MESD: variants seen among roughly 807,000 people sequenced by gnomAD.
MESD encodes the protein mesoderm development LRP chaperone, also known as LRP chaperone MESD.
A neutral mutation model predicts 12.9 loss-of-function variants in MESD; 7 were observed. The observed-to-expected ratio is 0.54, with a 90% CI of 0.31 to 1.02. MESD has a LOEUF of 1.02. MESD is among the 50% of genes least tolerant of loss of function. The pLI is 0.05. For synonymous variants in MESD, 126 were observed against 115.6 expected, an observed-to-expected ratio of 1.09 and a Z score of -0.58; for missense variants, 342 against 296.7, an observed-to-expected ratio of 1.15 and a Z score of -1.12.
In MESD at chr15:80,949,090, G is replaced by A. The variant is rs566928195; in HGVS notation, c.*627-192C>T. The A allele has an allele frequency of 5.3e-5, 46 of 871,686 alleles. No homozygotes were observed. The African/African-American group carries it at 7.1e-4, about 13-fold the overall frequency. The allele number at this position is 871,686 out of a possible 1,614,324, so 54.0% of individuals were successfully genotyped here. ...GAAGGCTATCAGAGACCCTGGTGCT[G>A]CCACCTGCCCCTACTCAAGTGTCTA... On this transcript the variant is annotated intron_variant, in intron 4 of 4. Coordinates refer to the MESD transcript ENST00000561312.
intron 1 of MESD, 21 bp downstream of exon 1, chr15:80,989,557 AG>A: frequency 6.2e-7 from 1 of 1,608,994 alleles, no homozygotes; most frequent in Non-Finnish European, 8.5e-7. Flanking sequence ...AAGAGCCGGG[AG>A]GGTGTGCGCG....
At chr15:80,973,703 C>T (rs774423436), downstream of MESD, among the ~76,000 whole-genome samples, 11 of 152,206 alleles carry the variant, frequency 7.2e-5, no homozygotes, top group Non-Finnish European at 1.3e-4. Context: ...ACCCTATTCA[C>T]CCCCTCGACA....
chr15:80,958,080 A>C (rs925086821), intron 3 of MESD, among the ~76,000 whole-genome samples: 1 of 152,160 alleles, frequency 6.6e-6, no homozygotes, highest in African/African-American at 2.4e-5. Flanking sequence ...CAAATTACAC[A>C]AACACAAGGA....
intron 1 of MESD, among the ~76,000 whole-genome samples, chr15:80,983,011 G>A (rs1902623482): frequency 6.6e-6 from 1 of 152,178 alleles, no homozygotes; most frequent in South Asian, 2.1e-4. Flanking sequence ...GTAGGCTGAG[G>A]TGGGAGAATT....
chr15:80,975,167 A>T (rs564515415), downstream of MESD, among the ~76,000 whole-genome samples: 315 of 150,022 alleles, frequency 2.1e-3, 2 homozygotes, highest in African/African-American at 7.2e-3. Context: ...GGATTGCTTG[A>T]GGACCAGCCC....
intron 1 of MESD, among the ~76,000 whole-genome samples, chr15:80,988,310 C>A (rs1439565129): frequency 6.6e-6 from 1 of 152,176 alleles, no homozygotes; most frequent in African/African-American, 2.4e-5. Flanking sequence ...TTTTTCTTGG[C>A]CTTCAAAGTC....
At chr15:80,955,212 G>A (rs1034464214) in intron 3 of MESD, among the ~76,000 whole-genome samples, 49 of 151,484 alleles carry the variant, frequency 3.2e-4, no homozygotes, top group African/African-American at 9.7e-4. Context: ...TCGGCCGGGC[G>A]CGGTGGCTCA....
At chr15:80,961,390 T>A (rs2141790561) in intron 3 of MESD, among the ~76,000 whole-genome samples, 1 of 152,222 alleles carries the variant, frequency 6.6e-6, no homozygotes, top group East Asian at 1.9e-4. Context: ...TAAACCTTGT[T>A]GGTAATTATA....
downstream of MESD, among the ~76,000 whole-genome samples, chr15:80,975,434 G>A (rs994918780): frequency 3.3e-5 from 5 of 151,752 alleles, no homozygotes; most frequent in African/African-American, 1.2e-4. Context: ...AAAAAGCAAG[G>A]CTCAGAAATG....
rs551918262 is a variant in MESD, at chr15:80,981,951, T to C, written c.445A>G (p.Arg149Gly). 1.2e-6 allele frequency: 2 copies of C among 1,609,378 alleles called. No homozygotes were observed. The highest frequency in any genetic ancestry group is 2.2e-5 in the South Asian group (2 of 90,992). The change falls in exon 2 of 3, where the codon AGG (arginine) becomes GGG (glycine). Residue 149 changes from arginine to glycine, a missense_variant and splice_region_variant. By Grantham distance (125) the Arg-to-Gly change is moderately radical. Coordinates refer to ENST00000261758, the MANE Select transcript of MESD (RefSeq NM_015154.3). ...CTCAGCTGGTTGTTGCTGCTTTACCTCTGGACGTCATAGTTGGCATTGAAA... is the reference window on the plus strand; with the variant it reads ...CTCAGCTGGTTGTTGCTGCTTTACCCCTGGACGTCATAGTTGGCATTGAAA... ...SLFNANYDVQ[R>G]FIVGSDRAIF...
chr15:80,946,841 C>A (rs868714593), downstream of MESD: 3 of 723,242 alleles, frequency 4.1e-6, no homozygotes, highest in Admixed American at 2.0e-5. Flanking sequence ...TTTCCCGAAT[C>A]CCTGGACAGG....
chr15:80,947,691 C>G (rs1359531207), exon 5 of MESD: 1 of 153,974 alleles, frequency 6.5e-6, no homozygotes, highest in Non-Finnish European at 1.4e-5. Flanking sequence ...GTATGGGCGG[C>G]AGAGAAGCTC....
intron 2 of MESD, among the ~76,000 whole-genome samples, chr15:80,980,149 C>T (rs1902536877): frequency 6.6e-6 from 1 of 152,186 alleles, no homozygotes; most frequent in East Asian, 1.9e-4. Flanking sequence ...CTAATGCTCC[C>T]ACCACTCCAC....
intron 3 of MESD, among the ~76,000 whole-genome samples, chr15:80,958,354 G>A (rs1261058649): frequency 1.3e-5 from 2 of 151,994 alleles, no homozygotes; most frequent in Non-Finnish European, 1.5e-5. Flanking sequence ...ATTTAGAGAT[G>A]GGGTCTCACT....
intron 3 of MESD, among the ~76,000 whole-genome samples, chr15:80,957,712 C>A (rs1426277779): frequency 2.0e-5 from 3 of 152,176 alleles, no homozygotes; most frequent in Non-Finnish European, 4.4e-5. Flanking sequence ...GGTGTAGCTC[C>A]AGTCTGAAGA....
intron 4 of MESD, chr15:80,951,720 T>G (rs940589346): frequency 6.5e-6 from 1 of 153,004 alleles, no homozygotes; most frequent in African/African-American, 2.4e-5. Flanking sequence ...GGAAATTGGC[T>G]CTGGTTTGGA....
intron 1 of MESD, among the ~76,000 whole-genome samples, chr15:80,983,478 T>A (rs1902641492): frequency 6.6e-6 from 1 of 152,176 alleles, no homozygotes; most frequent in African/African-American, 2.4e-5. Context: ...GGTTCTTAAC[T>A]TCTGGGAAGT....
At chr15:80,982,609 T>G (rs1902610719) in intron 1 of MESD, among the ~76,000 whole-genome samples, 1 of 152,176 alleles carries the variant, frequency 6.6e-6, no homozygotes, top group Non-Finnish European at 1.5e-5. Flanking sequence ...TTCCGTTTAT[T>G]TAAAATTCAA....
At chr15:80,967,666 G>A (rs1458450980) in intron 3 of MESD, among the ~76,000 whole-genome samples, 1 of 152,178 alleles carries the variant, frequency 6.6e-6, no homozygotes, top group African/African-American at 2.4e-5. Context: ...ACAGATGCAA[G>A]GCAGACCAGA....
Sources: allele counts gnomAD v4.1 joint callset (sites outside exome capture counted in the v4.1 genomes callset), GRCh38; gene constraint gnomAD v4.1.1; transcripts MANE v1.5; gene names NCBI Gene and HGNC (gene_info 2026-07-23, HGNC 2026-07-21).